Variants in SLC24A2 observed in about 807,000 individuals in gnomAD.
SLC24A2 encodes the protein solute carrier family 24 member 2, also known as sodium/potassium/calcium exchanger 2.
Under a neutral mutation model 62.0 loss-of-function variants are expected in SLC24A2, and 36 were observed. The observed-to-expected ratio is 0.58, with a 90% CI of 0.44 to 0.77. SLC24A2 has a LOEUF of 0.77. Ranked by LOEUF, SLC24A2 falls within the 30% of genes least tolerant of loss-of-function variation. The probability of loss-of-function intolerance (pLI) is 0.00; values close to 1 mark genes in which losing one functional copy is unlikely to be tolerated. For missense variants in SLC24A2, 846 were observed against 817.9 expected (o/e 1.03, Z -0.42); for synonymous variants, 358 against 294.0 (o/e 1.22, Z -2.23).
At chr9:20,073,499 G>A in the SLC24A2 span, among the ~76,000 whole-genome samples, 7 of 152,054 alleles carry the variant, frequency 4.6e-5, no homozygotes, top group Middle Eastern at 3.2e-3. Context: ...AACACTTAAG[G>A]GGAGGGAATT....
intron 9 of SLC24A2, among the ~76,000 whole-genome samples, chr9:19,524,737 G>A (rs970024497): frequency 6.6e-5 from 10 of 151,992 alleles, no homozygotes; most frequent in Non-Finnish European, 1.5e-4. Flanking sequence ...GCTTTCATTC[G>A]TCTTGGCTTT....
At chr9:19,745,389 T>C (rs915121747) in intron 2 of SLC24A2, among the ~76,000 whole-genome samples, 7 of 152,164 alleles carry the variant, frequency 4.6e-5, no homozygotes, top group African/African-American at 1.7e-4. Flanking sequence ...TGTATGTACA[T>C]ATCTCCATAC....
intron 2 of SLC24A2, among the ~76,000 whole-genome samples, chr9:19,707,239 G>A (rs1820557900): frequency 6.6e-6 from 1 of 152,100 alleles, no homozygotes; most frequent in Non-Finnish European, 1.5e-5. Context: ...ACCAATAACA[G>A]GCTCTGAAAT....
the SLC24A2 span, among the ~76,000 whole-genome samples, chr9:19,865,398 G>T: frequency 6.6e-6 from 1 of 152,004 alleles, no homozygotes; most frequent in Admixed American, 6.6e-5. Context: ...AATCGCCAAA[G>T]CTGTCCTAAG....
At chr9:19,986,589 A>G in the SLC24A2 span, among the ~76,000 whole-genome samples, 1 of 151,542 alleles carries the variant, frequency 6.6e-6, no homozygotes, top group African/African-American at 2.4e-5. Flanking sequence ...ATATATATCC[A>G]ATGTAATATT....
the SLC24A2 span, among the ~76,000 whole-genome samples, chr9:20,245,954 G>T: frequency 6.6e-6 from 1 of 152,118 alleles, no homozygotes; most frequent in Non-Finnish European, 1.5e-5. Flanking sequence ...ATAGCCTAAG[G>T]TCACCAATTA....
At chr9:19,579,695 TAACTC>T (rs1429855240) in intron 5 of SLC24A2, among the ~76,000 whole-genome samples, 4 of 152,152 alleles carry the variant, frequency 2.6e-5, no homozygotes, top group Non-Finnish European at 4.4e-5. Flanking sequence ...AAACCTAAAA[TAACTC>T]AACTCAAATA....
chr9:20,017,768 T>C, the SLC24A2 span, among the ~76,000 whole-genome samples: 1 of 152,144 alleles, frequency 6.6e-6, no homozygotes, highest in African/African-American at 2.4e-5. Flanking sequence ...GGGAGAAAGA[T>C]GGAGGCCAGA....
chr9:20,071,923 A>G, the SLC24A2 span, among the ~76,000 whole-genome samples: 4 of 152,100 alleles, frequency 2.6e-5, no homozygotes, highest in South Asian at 2.1e-4. Flanking sequence ...CTGATTTATC[A>G]TGAAGGATAT....
the SLC24A2 span, among the ~76,000 whole-genome samples, chr9:20,016,124 T>G: frequency 6.6e-6 from 1 of 152,232 alleles, no homozygotes. Context: ...ATGTATAAAT[T>G]GATACCAAGT....
chr9:19,985,397 T>G, the SLC24A2 span, among the ~76,000 whole-genome samples: 1 of 152,122 alleles, frequency 6.6e-6, no homozygotes, highest in Admixed American at 6.6e-5. Context: ...GGAAATACTA[T>G]TCGGAAATAA....
intron 2 of SLC24A2, among the ~76,000 whole-genome samples, chr9:19,645,466 T>C (rs527606417): frequency 6.6e-6 from 1 of 152,316 alleles, no homozygotes; most frequent in Non-Finnish European, 1.5e-5. Flanking sequence ...ATTTCATATG[T>C]TGTAGTAAAT....
the SLC24A2 span, among the ~76,000 whole-genome samples, chr9:20,018,855 G>A: frequency 6.6e-6 from 1 of 151,974 alleles, no homozygotes; most frequent in Non-Finnish European, 1.5e-5. Flanking sequence ...CTTGAGGTGA[G>A]GAGTTAAAGA....
At chr9:19,774,820 T>G (rs916253088) in intron 2 of SLC24A2, among the ~76,000 whole-genome samples, 1 of 152,210 alleles carries the variant, frequency 6.6e-6, no homozygotes, top group Non-Finnish European at 1.5e-5. Context: ...TTGGGTTTCT[T>G]AATTGGAAAG....
At chr9:19,721,911 T>C (rs914146630) in intron 2 of SLC24A2, among the ~76,000 whole-genome samples, 3 of 152,192 alleles carry the variant, frequency 2.0e-5, no homozygotes, top group African/African-American at 7.2e-5. Flanking sequence ...TCATTGCTTT[T>C]TTTCAGATAA....
intron 2 of SLC24A2, among the ~76,000 whole-genome samples, chr9:19,758,609 T>C (rs959915160): frequency 1.3e-5 from 2 of 152,184 alleles, no homozygotes; most frequent in African/African-American, 4.8e-5. Context: ...CAACAAGAGA[T>C]CAAGGTTTCC....
chr9:19,659,518 G>A (rs1387531128), intron 2 of SLC24A2, among the ~76,000 whole-genome samples: 3 of 152,066 alleles, frequency 2.0e-5, no homozygotes, highest in Non-Finnish European at 4.4e-5. Flanking sequence ...CCTTCCTAAG[G>A]TGAAAAGGCT....
At chr9:19,815,960 T>C in the SLC24A2 span, among the ~76,000 whole-genome samples, 389 of 6,698 alleles carry the variant, frequency 0.058, 1 homozygote, top group African/African-American at 0.12. Flanking sequence ...TTTTTGCCCC[T>C]TTTTTTTTTT....
At chr9:20,253,510 C>T in the SLC24A2 span, among the ~76,000 whole-genome samples, 1 of 152,136 alleles carries the variant, frequency 6.6e-6, no homozygotes, top group African/African-American at 2.4e-5. Context: ...TATCCAAGGC[C>T]AATGATCCAG....
Sources: allele counts gnomAD v4.1 joint callset (sites outside exome capture counted in the v4.1 genomes callset), GRCh38; gene constraint gnomAD v4.1.1; transcripts MANE v1.5; gene names NCBI Gene and HGNC (gene_info 2026-07-23, HGNC 2026-07-21).